Variants in ST7 observed in about 807,000 individuals in gnomAD.
The protein encoded by ST7 is suppressor of tumorigenicity 7 protein.
Under a neutral mutation model 78.7 loss-of-function variants are expected in ST7, and 28 were observed. The ratio of observed to expected loss-of-function variants is 0.36; its 90% CI spans 0.26 to 0.49. The LOEUF (loss-of-function observed/expected upper bound fraction) is 0.49. Ranked by LOEUF, ST7 falls within the 20% of genes least tolerant of loss-of-function variation. ST7 has a pLI of 0.99. For missense variants in ST7, 418 were observed against 696.0 expected, an observed-to-expected ratio of 0.60 and a Z score of 4.49; for synonymous variants, 247 against 249.6, an observed-to-expected ratio of 0.99 and a Z score of 0.10.
rs1262620465 is a variant in ST7, at chr7:117,099,767, A to G, written c.157A>G (p.Met53Val). The G allele has an allele frequency of 6.2e-7, 1 of 1,612,444 alleles. No homozygotes were observed. Among genetic ancestry groups the G allele is most frequent in the Non-Finnish European group, 8.5e-7 (1 of 1,179,406 alleles). The change falls in exon 2 of 16, where the codon ATG becomes GTG. Residue 53 changes from methionine to valine, a missense_variant. By Grantham distance (21) the Met-to-Val change is conservative. This residue lies in a region of ST7 where 23 missense variants were observed against 67.7 expected (regional missense o/e 0.34). Coordinates refer to ENST00000323984, the MANE Select transcript of ST7 (RefSeq NM_001369598.1). ...KINDNLSTVS[M>V]FLNTLTPKFY... Reference sequence around the variant, plus strand: ...CTCTCTCTTTTCTTTTTCAGTGAGCATGTTTTTGAACACATTAACACCGAA... The same window carrying G: ...CTCTCTCTTTTCTTTTTCAGTGAGCGTGTTTTTGAACACATTAACACCGAA...
intron 9 of ST7, among the ~76,000 whole-genome samples, chr7:117,147,083 T>A (rs758669044): frequency 1.3e-5 from 2 of 152,152 alleles, no homozygotes; most frequent in African/African-American, 2.4e-5. Flanking sequence ...TGTCTATAGA[T>A]CTCTGCTTCT....
intron 9 of ST7, among the ~76,000 whole-genome samples, chr7:117,164,038 A>G (rs1412062677): frequency 1.3e-5 from 2 of 152,212 alleles, no homozygotes; most frequent in African/African-American, 4.8e-5. Context: ...TGGAACCACA[A>G]AAGACCCCAA....
chr7:117,098,517 T>C (rs1801301374), intron 1 of ST7: 2 of 213,622 alleles, frequency 9.4e-6, no homozygotes, highest in South Asian at 1.4e-4. Flanking sequence ...GTTGCTCATT[T>C]GCTTGTGTGT....
At position 117,158,955 on chromosome 7, in the gene ST7, C is replaced by T. The variant is rs1012529065; in HGVS notation, c.964-11907C>T. ...TTCTATAAACTTTAATTAGCCCAAG[C>T]TTGTATTGACCTCAGTAGGAATCTG... On this transcript the variant is annotated intron_variant, in intron 9 of 15. Transcript: ENST00000323984. 2.0e-5 allele frequency among the ~76,000 whole-genome samples: 3 copies of T among 152,166 alleles called. No individual in the cohort carries two copies. The South Asian group carries it at 6.2e-4, about 32-fold the overall frequency.
chr7:117,046,224 C>T (rs1217093691), intron 1 of ST7, among the ~76,000 whole-genome samples: 1 of 151,978 alleles, frequency 6.6e-6, no homozygotes, highest in Non-Finnish European at 1.5e-5. Flanking sequence ...GTAGGGTGAA[C>T]CCTGTTTCTT....
At chr7:116,953,728 T>TC (rs1242594537) in intron 1 of ST7, 37 bp downstream of exon 1, 2 of 1,193,234 alleles carry the variant, frequency 1.7e-6, no homozygotes, top group Non-Finnish European at 2.2e-6. Context: ...CGCCCACCCC[T>TC]CCCCCGCCCC....
chr7:116,958,822 T>TAA, intron 1 of ST7: 9 of 301,292 alleles, frequency 3.0e-5, no homozygotes, highest in East Asian at 8.9e-5. Context: ...CCTTTATTGC[T>TAA]AAAAAAAAAA....
chr7:116,972,170 T>G (rs1157025376), intron 1 of ST7: 2 of 556,238 alleles, frequency 3.6e-6, no homozygotes, highest in Non-Finnish European at 7.1e-6. Context: ...GCTTTCTACA[T>G]CTCATTCAGG....
intron 10 of ST7, among the ~76,000 whole-genome samples, chr7:117,176,927 C>A (rs944201378): frequency 1.3e-5 from 2 of 152,124 alleles, no homozygotes; most frequent in African/African-American, 4.8e-5. Flanking sequence ...AAACCTAGTC[C>A]GGCTCATTTC....
intron 1 of ST7, chr7:116,955,051 G>C (rs1292713460): frequency 2.1e-6 from 1 of 465,616 alleles, no homozygotes. Context: ...AATAGGTGCT[G>C]CTCAGCCCTT....
chr7:117,058,959 G>A lies in ST7; in HGVS notation c.152-40803G>A, dbSNP rs190517385. ...AGCCAGGCGCAGAAAGAGAAACTTCGCCTGTTCTCACTTATTTGTAGGAGC... is the reference window on the plus strand; with the variant it reads ...AGCCAGGCGCAGAAAGAGAAACTTCACCTGTTCTCACTTATTTGTAGGAGC... On this transcript the variant is annotated intron_variant, in intron 1 of 15. Transcript: ENST00000323984. Among the ~76,000 whole-genome samples the A allele has an allele frequency of 5.2e-3, 785 of 152,264 alleles. 6 individuals are homozygous for A. Among genetic ancestry groups the A allele is most frequent in the African/African-American group, 0.018 (744 of 41,550 alleles).
chr7:117,098,695 C>A, intron 1 of ST7: 1 of 1,042,796 alleles, frequency 9.6e-7, no homozygotes, highest in Non-Finnish European at 1.3e-6. Flanking sequence ...GAGCTCAGGA[C>A]AGATGCCAAA....
At chr7:117,030,344 G>A (rs760872057) in intron 1 of ST7, among the ~76,000 whole-genome samples, 12 of 152,252 alleles carry the variant, frequency 7.9e-5, no homozygotes, top group Middle Eastern at 6.8e-3. Context: ...TATTAGTAAA[G>A]CATCATTAAT....
chr7:116,990,390 G>A (rs1372360374), intron 1 of ST7, among the ~76,000 whole-genome samples: 1 of 151,914 alleles, frequency 6.6e-6, no homozygotes, highest in Non-Finnish European at 1.5e-5. Flanking sequence ...AGCTCTGCTT[G>A]TGCCTAGGAA....
At position 116,998,633 on chromosome 7, in the gene ST7, C is replaced by A. The variant is rs1416764549; in HGVS notation, c.151+44942C>A. Among the ~76,000 whole-genome samples the A allele has an allele frequency of 2.0e-5, 3 of 152,222 alleles. No homozygotes were observed. The East Asian group carries it at 5.8e-4, about 29-fold the overall frequency. On this transcript the variant is annotated intron_variant, in intron 1 of 15. Transcript: ENST00000323984. The stretch of plus-strand genomic sequence containing the variant: ...AGAAACTGAGTCATTCATTTATATG[C>A]CAACTATTTATTGAGCATTTACTAT...
At chr7:116,956,457 A>G (rs755370065) in intron 1 of ST7, 9 of 470,940 alleles carry the variant, frequency 1.9e-5, no homozygotes, top group African/African-American at 1.2e-4. Flanking sequence ...GATGAAGGCA[A>G]GTGTGTTCCT....
chr7:117,005,343 C>T (rs901648851), intron 1 of ST7, among the ~76,000 whole-genome samples: 13 of 152,004 alleles, frequency 8.6e-5, no homozygotes, highest in African/African-American at 3.1e-4. Context: ...TAACATTGTA[C>T]AGAACAGGAA....
intron 1 of ST7, among the ~76,000 whole-genome samples, chr7:117,062,045 G>A (rs1055035071): frequency 1.3e-5 from 2 of 152,110 alleles, no homozygotes; most frequent in Middle Eastern, 3.2e-3. Context: ...TGGTTCCCTG[G>A]TACAAGGTCT....
At chr7:117,076,120 C>T (rs1799319313) in intron 1 of ST7, among the ~76,000 whole-genome samples, 1 of 152,224 alleles carries the variant, frequency 6.6e-6, no homozygotes, top group Non-Finnish European at 1.5e-5. Flanking sequence ...CCCATCTCCT[C>T]AGCTACAGCA....
Sources: allele counts gnomAD v4.1 joint callset (sites outside exome capture counted in the v4.1 genomes callset), GRCh38; gene constraint gnomAD v4.1.1; regional missense constraint gnomAD v4.1.1; transcripts MANE v1.5; gene names NCBI Gene and HGNC (gene_info 2026-07-23, HGNC 2026-07-21).